Variants in CSMD1 observed in about 807,000 individuals in gnomAD.
The protein encoded by CSMD1 is CUB and sushi domain-containing protein 1.
Under a neutral mutation model 417.5 loss-of-function variants are expected in CSMD1, and 213 were observed. That is an observed-to-expected ratio of 0.51 (90% CI 0.46 to 0.57). The LOEUF (loss-of-function observed/expected upper bound fraction) is 0.57. CSMD1 is among the 20% of genes least tolerant of loss of function. The pLI is 0.00. For synonymous variants in CSMD1, 2,862 were observed against 1,736.8 expected (o/e 1.65, Z -16.11); for missense variants, 6,923 against 4,529.7 (o/e 1.53, Z -15.17).
chr8:4,673,252 G>C (rs1324526237), intron 1 of CSMD1, among the ~76,000 whole-genome samples: 14 of 152,180 alleles, frequency 9.2e-5, no homozygotes. Context: ...TTTTGTAAGA[G>C]TCCCTTATGA....
intron 2 of CSMD1, among the ~76,000 whole-genome samples, chr8:4,490,165 C>T (rs1456897419): frequency 6.6e-6 from 1 of 151,622 alleles, no homozygotes; most frequent in Non-Finnish European, 1.5e-5. Flanking sequence ...TTCAGCCTCT[C>T]AGGTAGCTGG....
At chr8:3,907,527 C>G (rs1808190553) in intron 5 of CSMD1, among the ~76,000 whole-genome samples, 1 of 152,224 alleles carries the variant, frequency 6.6e-6, no homozygotes, top group Non-Finnish European at 1.5e-5. Context: ...TTGTGCAGAT[C>G]TTTGCTTTAT....
intron 24 of CSMD1, 113 bp from the exon 25 acceptor site, chr8:3,307,934 G>T: frequency 4.3e-6 from 5 of 1,164,672 alleles, no homozygotes; most frequent in East Asian, 2.6e-5. Flanking sequence ...TAGAGAAAAA[G>T]AATCACCATC....
At chr8:3,380,869 G>T (rs568347739) in intron 18 of CSMD1, among the ~76,000 whole-genome samples, 1 of 151,598 alleles carries the variant, frequency 6.6e-6, no homozygotes, top group South Asian at 2.1e-4. Context: ...CCGCACATGT[G>T]TCCCAGAACT....
At chr8:4,689,917 C>T (rs1009655381) in intron 1 of CSMD1, among the ~76,000 whole-genome samples, 5 of 152,136 alleles carry the variant, frequency 3.3e-5, no homozygotes, top group African/African-American at 7.2e-5. Context: ...TTTTAATACA[C>T]AGCTACAAAT....
intron 3 of CSMD1, among the ~76,000 whole-genome samples, chr8:4,393,051 C>T (rs1234602697): frequency 1.3e-5 from 2 of 152,144 alleles, no homozygotes; most frequent in Non-Finnish European, 2.9e-5. Flanking sequence ...CCTAGGCTCA[C>T]TGTACCCTCC....
intron 5 of CSMD1, among the ~76,000 whole-genome samples, chr8:3,943,185 T>G (rs1194537433): frequency 6.6e-6 from 1 of 152,118 alleles, no homozygotes; most frequent in Non-Finnish European, 1.5e-5. Context: ...CAATTGAGGA[T>G]GTTTCCTGGT....
At chr8:4,532,910 C>T (rs185787596) in intron 2 of CSMD1, among the ~76,000 whole-genome samples, 3 of 150,966 alleles carry the variant, frequency 2.0e-5, no homozygotes, top group African/African-American at 4.9e-5. Flanking sequence ...AGAGTCACTC[C>T]GGAAGAGAAA....
intron 1 of CSMD1, among the ~76,000 whole-genome samples, chr8:4,724,395 C>A (rs999361598): frequency 1.3e-5 from 2 of 151,910 alleles, no homozygotes; most frequent in Admixed American, 6.6e-5. Flanking sequence ...ACCCATGTGG[C>A]ATACCATAAA....
At chr8:4,316,093 G>T (rs562512961) in intron 3 of CSMD1, among the ~76,000 whole-genome samples, 1 of 151,710 alleles carries the variant, frequency 6.6e-6, no homozygotes, top group Non-Finnish European at 1.5e-5. Flanking sequence ...GTTATTAAAA[G>T]CCAACCACTC....
chr8:3,984,628 A>G (rs1194720429), intron 5 of CSMD1, among the ~76,000 whole-genome samples: 1 of 149,118 alleles, frequency 6.7e-6, no homozygotes, highest in Non-Finnish European at 1.5e-5. Context: ...GTTTCATTTG[A>G]ACAAAATGCC....
chr8:3,507,456 A>C (rs1271379354), intron 10 of CSMD1, among the ~76,000 whole-genome samples: 1 of 152,212 alleles, frequency 6.6e-6, no homozygotes, highest in Non-Finnish European at 1.5e-5. Context: ...ATAGTGCCAC[A>C]GTAAACATAC....
At chr8:3,910,598 A>G (rs1032216418) in intron 5 of CSMD1, among the ~76,000 whole-genome samples, 1 of 152,234 alleles carries the variant, frequency 6.6e-6, no homozygotes, top group African/African-American at 2.4e-5. Context: ...GGGTTCTAAC[A>G]CAGCAAAAGA....
intron 5 of CSMD1, among the ~76,000 whole-genome samples, chr8:3,948,400 G>A (rs1251159480): frequency 1.3e-5 from 2 of 151,978 alleles, no homozygotes; most frequent in Non-Finnish European, 2.9e-5. Context: ...GGAGAGGGAG[G>A]GAGAACAAGA....
intron 54 of CSMD1, among the ~76,000 whole-genome samples, chr8:2,987,387 T>C (rs985082999): frequency 2.0e-5 from 3 of 148,666 alleles, no homozygotes; most frequent in African/African-American, 7.3e-5. Flanking sequence ...TATAAGTATA[T>C]AAGAAACAGA....
At chr8:3,268,413 C>G (rs903031274) in intron 26 of CSMD1, among the ~76,000 whole-genome samples, 3 of 150,872 alleles carry the variant, frequency 2.0e-5, no homozygotes, top group Admixed American at 1.3e-4. Context: ...CTCAACCTCC[C>G]GAGTAACTGG....
In CSMD1 at chr8:4,882,577, C is replaced by G. The variant is rs541101920; in HGVS notation, c.85+111755G>C. The stretch of plus-strand genomic sequence containing the variant: ...GAGGCAACCCCACTTTCCCTAAGAA[C>G]ATTCAACCCCAAGCATAGAGAAAGA... On this transcript the variant is annotated intron_variant, in intron 1 of 69. Coordinates refer to ENST00000635120, the MANE Select transcript of CSMD1 (RefSeq NM_033225.6). Among the ~76,000 whole-genome samples the G allele has an allele frequency of 3.9e-5, 6 of 151,950 alleles. No homozygotes were observed. In the South Asian group the frequency reaches 1.2e-3, roughly 31 times the overall value.
intron 49 of CSMD1, among the ~76,000 whole-genome samples, chr8:3,066,594 A>G (rs1426376607): frequency 1.3e-5 from 2 of 152,254 alleles, no homozygotes; most frequent in African/African-American, 4.8e-5. Context: ...AATTTCAAAT[A>G]CAGACAGACA....
At chr8:4,892,968 G>C (rs916958114) in intron 1 of CSMD1, among the ~76,000 whole-genome samples, 3 of 152,088 alleles carry the variant, frequency 2.0e-5, no homozygotes, top group African/African-American at 7.3e-5. Flanking sequence ...TATTGTGAAA[G>C]ATTTCCAAGG....
Sources: gnomAD v4.1 joint callset for allele counts (sites outside exome capture counted in the v4.1 genomes callset) on GRCh38, gnomAD v4.1.1 for gene constraint, MANE v1.5 for transcripts, NCBI Gene and HGNC (gene_info 2026-07-23, HGNC 2026-07-21) for gene names.